Variants in STX8 observed in about 807,000 individuals in gnomAD.
STX8 encodes syntaxin 8, also known as syntaxin-8.
STX8 carries 23 observed loss-of-function variants against 37.5 expected under a neutral mutation model. That is an observed-to-expected ratio of 0.61 (90% CI 0.44 to 0.87). The LOEUF (loss-of-function observed/expected upper bound fraction) is 0.87, where lower values mean the gene tolerates loss of function less well. Among genes scored for constraint, STX8 ranks in the 40% least tolerant of loss-of-function variants. The probability of loss-of-function intolerance (pLI) is 0.00; values close to 1 mark genes in which losing one functional copy is unlikely to be tolerated. For synonymous variants in STX8, 115 were observed against 99.1 expected (o/e 1.16, Z -0.95); for missense variants, 313 against 284.7 (o/e 1.10, Z -0.71).
In STX8 at chr17:9,533,744, T is replaced by C. The variant is rs371342657; in HGVS notation, c.323+11428A>G. Among the ~76,000 whole-genome samples the C allele has an allele frequency of 2.0e-5, 3 of 152,324 alleles. No individual in the cohort carries two copies. The East Asian group carries it at 5.8e-4, about 29-fold the overall frequency. ...TGAGTCTCTGGTTCTTCAAGAAACT[T>C]CAAGAACAGCGTTGCTATTGCTTAG... is the stretch of plus-strand genomic sequence containing the variant. On this transcript the variant is annotated intron_variant, in intron 4 of 7. Coordinates refer to ENST00000306357, the MANE Select transcript of STX8 (RefSeq NM_004853.3).
intron 7 of STX8, among the ~76,000 whole-genome samples, chr17:9,269,115 A>G (rs1907352818): frequency 6.6e-6 from 1 of 150,776 alleles, no homozygotes; most frequent in Non-Finnish European, 1.5e-5. Context: ...TGAACCCGGG[A>G]GGCAGAGCTT....
intron 7 of STX8, among the ~76,000 whole-genome samples, chr17:9,341,562 G>A (rs866040964): frequency 1.2e-4 from 18 of 152,144 alleles, no homozygotes; most frequent in South Asian, 2.1e-4. Flanking sequence ...TCAGCCTCCC[G>A]AGTAGCTGGG....
At chr17:9,307,763 T>C (rs1026896981) in intron 7 of STX8, among the ~76,000 whole-genome samples, 12 of 152,116 alleles carry the variant, frequency 7.9e-5, no homozygotes, top group African/African-American at 2.7e-4. Context: ...AGCAGGGCCT[T>C]TCTGACCTTC....
chr17:9,251,001 G>C (rs79698031), intron 7 of STX8, among the ~76,000 whole-genome samples: 1 of 152,130 alleles, frequency 6.6e-6, no homozygotes, highest in Non-Finnish European at 1.5e-5. Context: ...ATTATGCATT[G>C]ATGACGCATT....
intron 7 of STX8, among the ~76,000 whole-genome samples, chr17:9,329,050 C>CAAAAAAAAAAAAAAAAA (rs998679728): frequency 3.6e-5 from 1 of 28,010 alleles, no homozygotes. Flanking sequence ...GATTCCATCT[C>CAAAAAAAAAAAAAAAAA]AAAAAAAAAA....
chr17:9,351,322 T>C (rs1211847419), intron 7 of STX8, among the ~76,000 whole-genome samples: 1 of 151,750 alleles, frequency 6.6e-6, no homozygotes, highest in Non-Finnish European at 1.5e-5. Context: ...CACACCTGGC[T>C]AATTTTTTGT....
chr17:9,352,971 A>T (rs1396794077), intron 7 of STX8, among the ~76,000 whole-genome samples: 1 of 149,986 alleles, frequency 6.7e-6, no homozygotes, highest in African/African-American at 2.5e-5. Flanking sequence ...AGCTCACTGC[A>T]GCCTTTAACT....
intron 6 of STX8, among the ~76,000 whole-genome samples, chr17:9,397,094 G>A (rs1306271071): frequency 1.3e-5 from 2 of 152,168 alleles, no homozygotes; most frequent in South Asian, 2.1e-4. Context: ...ATGTACATTG[G>A]CACTAAACAA....
intron 7 of STX8, among the ~76,000 whole-genome samples, chr17:9,264,696 G>C (rs1215796455): frequency 6.6e-6 from 1 of 152,124 alleles, no homozygotes; most frequent in Non-Finnish European, 1.5e-5. Flanking sequence ...AGAACAAGAA[G>C]GCAAATCCTT....
At chr17:9,333,178 G>A (rs561296070) in intron 7 of STX8, among the ~76,000 whole-genome samples, 1 of 152,098 alleles carries the variant, frequency 6.6e-6, no homozygotes, top group Admixed American at 6.6e-5. Context: ...TGAGGTTTAA[G>A]GTACGAATGA....
chr17:9,523,891 A>G (rs770375992), intron 4 of STX8, among the ~76,000 whole-genome samples: 6 of 152,242 alleles, frequency 3.9e-5, no homozygotes, highest in African/African-American at 4.8e-5. Context: ...AAGGCCATTT[A>G]AGAGTGTCAA....
At chr17:9,319,401 A>C (rs1479329479) in intron 7 of STX8, among the ~76,000 whole-genome samples, 1 of 152,192 alleles carries the variant, frequency 6.6e-6, no homozygotes, top group African/African-American at 2.4e-5. Flanking sequence ...CCTGGGCGAC[A>C]CAGCAAGACT....
intron 6 of STX8, among the ~76,000 whole-genome samples, chr17:9,418,993 A>G (rs910130066): frequency 6.9e-5 from 10 of 145,306 alleles, no homozygotes; most frequent in African/African-American, 2.0e-4. Flanking sequence ...GCACCATCAC[A>G]GTTCACTACA....
intron 1 of STX8, among the ~76,000 whole-genome samples, chr17:9,574,230 C>T (rs1907802543): frequency 6.7e-6 from 1 of 149,436 alleles, no homozygotes; most frequent in Non-Finnish European, 1.5e-5. Flanking sequence ...ATGATCGCGC[C>T]ATTGCACTCC....
chr17:9,257,578 G>GA (rs2142122277), intron 7 of STX8, among the ~76,000 whole-genome samples: 1 of 152,300 alleles, frequency 6.6e-6, no homozygotes, highest in Non-Finnish European at 1.5e-5. Flanking sequence ...AGGCTGATGG[G>GA]AAAGCAAGAG....
chr17:9,270,129 T>C (rs923881115), intron 7 of STX8, among the ~76,000 whole-genome samples: 1 of 152,254 alleles, frequency 6.6e-6, no homozygotes, highest in Admixed American at 6.5e-5. Context: ...GCTCACATAA[T>C]ACATATGCAA....
At chr17:9,436,775 TTG>T (rs1008310491) in intron 6 of STX8, among the ~76,000 whole-genome samples, 1 of 152,174 alleles carries the variant, frequency 6.6e-6, no homozygotes, top group African/African-American at 2.4e-5. Context: ...AAAAGCAGCA[TTG>T]TTTGTCTGCT....
chr17:9,512,744 C>A (rs918738286), intron 4 of STX8, among the ~76,000 whole-genome samples: 11 of 152,166 alleles, frequency 7.2e-5, no homozygotes, highest in Admixed American at 4.6e-4. Flanking sequence ...CAAGCCTACT[C>A]ATTTTTAACA....
At chr17:9,431,124 G>C (rs1324674569) in intron 6 of STX8, among the ~76,000 whole-genome samples, 1 of 151,618 alleles carries the variant, frequency 6.6e-6, no homozygotes, top group Non-Finnish European at 1.5e-5. Flanking sequence ...CCAAAGTGCT[G>C]GGATTACAGG....
Sources: allele counts gnomAD v4.1 joint callset (sites outside exome capture counted in the v4.1 genomes callset), GRCh38; gene constraint gnomAD v4.1.1; transcripts MANE v1.5; gene names NCBI Gene and HGNC (gene_info 2026-07-23, HGNC 2026-07-21).